The following DKK2 variants were observed in gnomAD, a reference collection of about 807,000 sequenced individuals.
The protein encoded by DKK2 is dickkopf-related protein 2.
Under a neutral mutation model 28.1 loss-of-function variants are expected in DKK2, and 11 were observed. The observed-to-expected ratio is 0.39, with a 90% CI of 0.25 to 0.65. DKK2 has a LOEUF of 0.65. Among genes scored for constraint, DKK2 ranks in the 30% least tolerant of loss-of-function variants. The probability of loss-of-function intolerance (pLI) is 0.47; values close to 1 mark genes in which losing one functional copy is unlikely to be tolerated. For synonymous variants in DKK2, 135 were observed against 126.5 expected, an observed-to-expected ratio of 1.07 and a Z score of -0.45; for missense variants, 326 against 335.5, an observed-to-expected ratio of 0.97 and a Z score of 0.22.
At chr4:106,945,234 A>G (rs1228210363) in intron 1 of DKK2, among the ~76,000 whole-genome samples, 1 of 152,188 alleles carries the variant, frequency 6.6e-6, no homozygotes, top group Non-Finnish European at 1.5e-5. Flanking sequence ...TTAATGGCAC[A>G]TTGAAAGCCA....
chr4:106,967,095 A>G (rs752480044), intron 1 of DKK2, among the ~76,000 whole-genome samples: 21 of 152,174 alleles, frequency 1.4e-4, no homozygotes, highest in Non-Finnish European at 2.6e-4. Context: ...TCAATAGATC[A>G]ATTCATTCAT....
intron 1 of DKK2, among the ~76,000 whole-genome samples, chr4:106,994,434 T>G (rs1043291106): frequency 3.9e-5 from 6 of 151,958 alleles, no homozygotes; most frequent in Non-Finnish European, 8.8e-5. Flanking sequence ...TCTCTCTGTC[T>G]CTCTCGCTCT....
At chr4:107,014,567 G>C (rs1723563827) in intron 1 of DKK2, among the ~76,000 whole-genome samples, 1 of 151,286 alleles carries the variant, frequency 6.6e-6, no homozygotes, top group African/African-American at 2.4e-5. Context: ...ATATGTTATG[G>C]TGTTCTATTA....
rs150437950 is a variant in DKK2 at position 106,942,842 on chromosome 4, C to T, written c.223-16893G>A. On this transcript the variant is annotated intron_variant, in intron 1 of 3. Coordinates refer to ENST00000285311, the MANE Select transcript of DKK2 (RefSeq NM_014421.3). ...GTTTAGTACGCTATATAAAATCTTG[C>T]CTGGTGTTTGTTTTAACCAAAGAAG... 2.0e-3 allele frequency among the ~76,000 whole-genome samples: 300 copies of T among 152,096 alleles called. 1 individual carries two copies. The highest frequency in any genetic ancestry group is 6.9e-3 in the African/African-American group (287 of 41,482).
intron 1 of DKK2, among the ~76,000 whole-genome samples, chr4:106,985,281 G>A (rs995466972): frequency 1.3e-5 from 2 of 151,948 alleles, no homozygotes; most frequent in South Asian, 4.2e-4. Flanking sequence ...TGACAGGTGG[G>A]AGAGAAGAGA....
intron 1 of DKK2, among the ~76,000 whole-genome samples, chr4:106,996,474 T>G (rs952752428): frequency 1.3e-5 from 2 of 152,176 alleles, no homozygotes; most frequent in African/African-American, 4.8e-5. Context: ...TGACATAAAC[T>G]ATACGAAATC....
At chr4:107,013,815 C>G (rs1427822689) in intron 1 of DKK2, among the ~76,000 whole-genome samples, 9 of 151,218 alleles carry the variant, frequency 6.0e-5, no homozygotes, top group Admixed American at 5.9e-4. Context: ...GATATTTAGA[C>G]TATATAAGGA....
intron 1 of DKK2, among the ~76,000 whole-genome samples, chr4:106,940,153 A>G (rs2074106594): frequency 6.6e-6 from 1 of 152,216 alleles, no homozygotes; most frequent in African/African-American, 2.4e-5. Context: ...AAAAGAAACT[A>G]CCATCAGAGT....
chr4:107,013,674 G>T (rs1362579491), intron 1 of DKK2, among the ~76,000 whole-genome samples: 1 of 151,274 alleles, frequency 6.6e-6, no homozygotes, highest in East Asian at 1.9e-4. Context: ...GGCAACAAAA[G>T]CAAAAATAGA....
intron 1 of DKK2, among the ~76,000 whole-genome samples, chr4:106,985,078 G>C (rs977289833): frequency 6.6e-6 from 1 of 151,896 alleles, no homozygotes; most frequent in African/African-American, 2.4e-5. Flanking sequence ...GTGAGGTGGC[G>C]GGCGCCTGTA....
At chr4:107,021,740 A>AC (rs1201983468) in intron 1 of DKK2, among the ~76,000 whole-genome samples, 2 of 152,140 alleles carry the variant, frequency 1.3e-5, no homozygotes, top group Admixed American at 1.3e-4. Context: ...GGGAACAGTG[A>AC]GTCATTTACG....
At position 107,029,611 on chromosome 4, in the gene DKK2, C is replaced by T. The variant is rs868642380; in HGVS notation, c.222+5759G>A. Reference sequence around the variant, plus strand: ...TAATATACCTGAAGATCGCTCACTTCTTCTATTTCCCTGAAGAAAGAACAA... The same window carrying T: ...TAATATACCTGAAGATCGCTCACTTTTTCTATTTCCCTGAAGAAAGAACAA... On this transcript the variant is annotated intron_variant, in intron 1 of 3. Coordinates refer to ENST00000285311, the MANE Select transcript of DKK2 (RefSeq NM_014421.3). Among the ~76,000 whole-genome samples, 7 of 152,114 alleles carry T rather than the reference C, an allele frequency of 4.6e-5. 1 individual carries two copies. The South Asian group carries it at 1.2e-3, about 27-fold the overall frequency.
chr4:106,962,186 T>C (rs992678320), intron 1 of DKK2, among the ~76,000 whole-genome samples: 1 of 152,156 alleles, frequency 6.6e-6, no homozygotes. Flanking sequence ...CAGTAGAAAT[T>C]ACAGATTCGT....
intron 1 of DKK2, among the ~76,000 whole-genome samples, chr4:106,935,815 C>G (rs1435303042): frequency 1.5e-4 from 23 of 152,182 alleles, no homozygotes; most frequent in Admixed American, 1.5e-3. Context: ...AACCCTGACC[C>G]CCGAGCAGCC....
intron 1 of DKK2, among the ~76,000 whole-genome samples, chr4:106,972,780 T>G (rs1211508707): frequency 2.0e-5 from 3 of 152,162 alleles, no homozygotes; most frequent in Non-Finnish European, 2.9e-5. Flanking sequence ...CAGATACATT[T>G]GCAGAATGTG....
chr4:106,985,461 A>G (rs1486234978), intron 1 of DKK2, among the ~76,000 whole-genome samples: 1 of 152,052 alleles, frequency 6.6e-6, no homozygotes, highest in Non-Finnish European at 1.5e-5. Context: ...TCTTTACATT[A>G]TTTATTACGA....
chr4:106,927,984 C>G (rs1252373637), intron 1 of DKK2, among the ~76,000 whole-genome samples: 1 of 152,100 alleles, frequency 6.6e-6, no homozygotes, highest in Non-Finnish European at 1.5e-5. Context: ...TTCCATCCCC[C>G]CAAAATAGTC....
intron 1 of DKK2, among the ~76,000 whole-genome samples, chr4:107,027,958 T>C (rs910597661): frequency 6.6e-6 from 1 of 151,956 alleles, no homozygotes; most frequent in African/African-American, 2.4e-5. Context: ...TTCACCGTGT[T>C]AGCCAGGATG....
intron 1 of DKK2, among the ~76,000 whole-genome samples, chr4:106,959,633 T>G (rs1722656984): frequency 6.6e-6 from 1 of 152,130 alleles, no homozygotes; most frequent in African/African-American, 2.4e-5. Context: ...GCTTTAACTT[T>G]TTAAAATATG....
Sources: allele counts gnomAD v4.1 joint callset (sites outside exome capture counted in the v4.1 genomes callset), GRCh38; gene constraint gnomAD v4.1.1; transcripts MANE v1.5; gene names NCBI Gene and HGNC (gene_info 2026-07-23, HGNC 2026-07-21).